Variants in DNAH9 observed in about 807,000 individuals in gnomAD.
DNAH9 encodes DNAH9 variant protein.
In DNAH9, 345 loss-of-function variants were observed where a neutral mutation model predicts 471.6. That is an observed-to-expected ratio of 0.73 (90% CI 0.67 to 0.80). The LOEUF is 0.80. Among genes scored for constraint, DNAH9 ranks in the 30% least tolerant of loss-of-function variants. The probability of loss-of-function intolerance (pLI) is 0.00; values close to 1 mark genes in which losing one functional copy is unlikely to be tolerated. For synonymous variants in DNAH9, 2,093 were observed against 2,123.6 expected (o/e 0.99, Z 0.40); for missense variants, 5,407 against 5,609.2 (o/e 0.96, Z 1.15).
chr17:11,730,209 T>A lies in DNAH9; in HGVS notation c.5814+2287T>A, dbSNP rs111741292. On this transcript the variant is annotated intron_variant, in intron 28 of 68. Coordinates refer to ENST00000262442, the MANE Select transcript of DNAH9 (RefSeq NM_001372.4). ...CCTGGACACTCTTGGACTGAAACCCTTGACCAGCTTGGCTTGAAAGAGCTG... is the reference window on the plus strand; with the variant it reads ...CCTGGACACTCTTGGACTGAAACCCATGACCAGCTTGGCTTGAAAGAGCTG... Among the ~76,000 whole-genome samples, 1,073 of 152,286 alleles carry A rather than the reference T, an allele frequency of 7.0e-3. 13 individuals are homozygous for A. The highest frequency in any genetic ancestry group is 0.025 in the African/African-American group (1,026 of 41,550).
chr17:11,603,876 G>T (rs1025407203), intron 1 of DNAH9, among the ~76,000 whole-genome samples: 1 of 152,008 alleles, frequency 6.6e-6, no homozygotes, highest in Non-Finnish European at 1.5e-5. Context: ...GTCCTCGTTC[G>T]GCTTGACCTG....
At chr17:11,819,047 C>T (rs1489473389) in intron 45 of DNAH9, among the ~76,000 whole-genome samples, 2 of 152,004 alleles carry the variant, frequency 1.3e-5, no homozygotes, top group African/African-American at 4.8e-5. Flanking sequence ...ATTTCTGACT[C>T]TCCCTCTTCT....
rs1277459360 is a variant in DNAH9, at chr17:11,937,950, AAGAACAC to A, written c.12660+431_12660+437del. Among the ~76,000 whole-genome samples, 1 of 152,192 alleles carries A rather than the reference AAGAACAC, an allele frequency of 6.6e-6. No homozygotes were observed. Among genetic ancestry groups the A allele is most frequent in the Non-Finnish European group, 1.5e-5 (1 of 68,026 alleles). ...GTTCACCAACCAGATGCCAGTGGGG[AAGAACAC>A]AGTCCTTCATAATGCAAACGCCTTC... On this transcript the variant is annotated intron_variant, in intron 66 of 68. Coordinates refer to ENST00000262442, the MANE Select transcript of DNAH9 (RefSeq NM_001372.4). The surrounding 1 kb of genome is among the most constrained non-coding windows in gnomAD (Gnocchi z 4.1).
intron 28 of DNAH9, among the ~76,000 whole-genome samples, chr17:11,737,842 G>C (rs1487365360): frequency 6.6e-6 from 1 of 152,220 alleles, no homozygotes; most frequent in African/African-American, 2.4e-5. Context: ...TGTTCTGGAG[G>C]TATAGTCTGG....
chr17:11,627,170 T>C (rs915083755), intron 6 of DNAH9, among the ~76,000 whole-genome samples: 12 of 145,638 alleles, frequency 8.2e-5, no homozygotes, highest in Middle Eastern at 3.3e-3. Context: ...TTGTCCACCA[T>C]GTGTGTGTTG....
At chr17:11,912,396 G>A (rs1278336748) in intron 61 of DNAH9, among the ~76,000 whole-genome samples, 1 of 152,034 alleles carries the variant, frequency 6.6e-6, no homozygotes, top group Admixed American at 6.6e-5. Flanking sequence ...GTGATCTAAG[G>A]GGAAAAAAAT....
At chr17:11,862,335 T>C (rs1465588564) in intron 50 of DNAH9, among the ~76,000 whole-genome samples, 2 of 122,896 alleles carry the variant, frequency 1.6e-5, no homozygotes, top group East Asian at 4.2e-4. Context: ...GTTGTAGATA[T>C]GCGGCGTTAT....
chr17:11,632,118 TATTAGTTTA>T (rs1156928183), intron 7 of DNAH9, among the ~76,000 whole-genome samples: 2 of 152,254 alleles, frequency 1.3e-5, no homozygotes, highest in Non-Finnish European at 2.9e-5. Flanking sequence ...AAATTGTTTG[TATTAGTTTA>T]ATTAGCTTTC....
chr17:11,962,128 T>C lies in DNAH9; in HGVS notation c.13105T>C (p.Trp4369Arg), dbSNP rs1976250309. 2 of 1,614,068 alleles carry C rather than the reference T, an allele frequency of 1.2e-6. No individual in the cohort carries two copies. The highest frequency in any genetic ancestry group is 1.7e-6 in the Non-Finnish European group (2 of 1,180,032). Reference sequence around the variant, plus strand: ...GCAGTCCACGGCTCGCAAGAATGAGTGGCCACTGGACCAGATGGCCCTGCA... The same window carrying C: ...GCAGTCCACGGCTCGCAAGAATGAGCGGCCACTGGACCAGATGGCCCTGCA... ...IMQSTARKNE[W>R]PLDQMALQCD... The change falls in exon 68 of 69, where the codon TGG becomes CGG. Residue 4369 changes from tryptophan to arginine, a missense_variant. This residue lies in a region of DNAH9 where 4,636 missense variants were observed against 4,900.3 expected (regional missense o/e 0.95). Coordinates refer to ENST00000262442, the MANE Select transcript of DNAH9 (RefSeq NM_001372.4). The surrounding 1 kb of genome is among the most constrained non-coding windows in gnomAD (Gnocchi z 4.1).
chr17:11,889,738 C>T (rs1972991892), intron 57 of DNAH9, among the ~76,000 whole-genome samples: 1 of 152,190 alleles, frequency 6.6e-6, no homozygotes, highest in Admixed American at 6.5e-5. Flanking sequence ...AAGGCCTGGG[C>T]CCCACTATAT....
In DNAH9 at chr17:11,623,615, C is replaced by T. The variant is rs1028714944; in HGVS notation, c.1350+3834C>T. On this transcript the variant is annotated intron_variant, in intron 6 of 68. Coordinates refer to ENST00000262442, the MANE Select transcript of DNAH9 (RefSeq NM_001372.4). This position sits in a 1 kb window ranked among gnomAD's most constrained non-coding sequence, Gnocchi z 4.1. ...GTCCTCTGGCATATTTCATGTAGGC[C>T]TTTAGTTAATATTCTGTGTATCTCT... 6.6e-6 allele frequency among the ~76,000 whole-genome samples: 1 copy of T among 152,092 alleles called. No individual in the cohort carries two copies. The highest frequency in any genetic ancestry group is 1.5e-5 in the Non-Finnish European group (1 of 68,026).
intron 14 of DNAH9, among the ~76,000 whole-genome samples, chr17:11,662,079 T>C (rs1031840472): frequency 5.3e-5 from 8 of 152,170 alleles, no homozygotes; most frequent in Non-Finnish European, 1.2e-4. Flanking sequence ...ACAGTTTCAT[T>C]TGGTACACAA....
intron 28 of DNAH9, among the ~76,000 whole-genome samples, chr17:11,732,981 C>G (rs2075292059): frequency 6.6e-6 from 1 of 152,214 alleles, no homozygotes; most frequent in Admixed American, 6.5e-5. Flanking sequence ...GCTCCAGTCT[C>G]AGAGCCGAGG....
intron 28 of DNAH9, among the ~76,000 whole-genome samples, chr17:11,730,502 G>A (rs2075239233): frequency 6.6e-6 from 1 of 152,092 alleles, no homozygotes; most frequent in South Asian, 2.1e-4. Flanking sequence ...ACCTTTGGCT[G>A]GTCACTTCAC....
chr17:11,894,304 A>G (rs1221898391), intron 58 of DNAH9, 70 bp from the exon 59 acceptor site: 2 of 1,585,266 alleles, frequency 1.3e-6, no homozygotes, highest in Non-Finnish European at 8.6e-7. Flanking sequence ...ATACTGAGTG[A>G]CAACCCCTAA....
At chr17:11,669,002 TC>T in intron 15 of DNAH9, 61 bp from the exon 16 acceptor site, 1 of 1,173,894 alleles carries the variant, frequency 8.5e-7, no homozygotes, top group South Asian at 1.4e-5. Flanking sequence ...TTTAAAACAG[TC>T]CTCTACTTTG....
At chr17:11,661,713 A>AT (rs2073766925) in intron 14 of DNAH9, among the ~76,000 whole-genome samples, 2 of 152,014 alleles carry the variant, frequency 1.3e-5, no homozygotes, top group South Asian at 2.1e-4. Context: ...CCTCTCACCT[A>AT]TTTTTTATAC....
intron 42 of DNAH9, among the ~76,000 whole-genome samples, chr17:11,797,021 A>G (rs1597659442): frequency 6.6e-6 from 1 of 152,176 alleles, no homozygotes; most frequent in African/African-American, 2.4e-5. Context: ...AGGGAGTTCT[A>G]CCATAAATGC....
rs549176212 is a variant in DNAH9, at chr17:11,644,247, T to C, written c.1902-384T>C. The stretch of plus-strand genomic sequence containing the variant: ...AATGCCATTATGTGGTGCATGACTG[T>C]ATATAACATTGATGGTCTTAAATAC... On this transcript the variant is annotated intron_variant, in intron 10 of 68. Transcript: ENST00000262442. Among the ~76,000 whole-genome samples the C allele has an allele frequency of 3.3e-5, 5 of 152,340 alleles. No individual in the cohort carries two copies. The East Asian group carries it at 9.6e-4, about 29-fold the overall frequency.
Sources: allele counts gnomAD v4.1 joint callset (sites outside exome capture counted in the v4.1 genomes callset), GRCh38; gene constraint gnomAD v4.1.1; regional missense constraint gnomAD v4.1.1; non-coding constraint Gnocchi (gnomAD v3.1); transcripts MANE v1.5; gene names NCBI Gene and HGNC (gene_info 2026-07-23, HGNC 2026-07-21).